Variants in GNAI1 observed in about 807,000 individuals in gnomAD.
GNAI1 encodes the protein G protein subunit alpha i1, also known as guanine nucleotide-binding protein G(i) subunit alpha-1.
GNAI1 carries 11 observed loss-of-function variants against 38.9 expected under a neutral mutation model. The observed-to-expected ratio is 0.28, with a 90% CI of 0.18 to 0.47. The LOEUF is 0.47. Ranked by LOEUF, GNAI1 falls within the 20% of genes least tolerant of loss-of-function variation. The probability of loss-of-function intolerance (pLI) is 0.99; values close to 1 mark genes in which losing one functional copy is unlikely to be tolerated. For missense variants in GNAI1, 317 were observed against 436.9 expected (o/e 0.73, Z 2.45); for synonymous variants, 166 against 145.1 (o/e 1.14, Z -1.04).
chr7:80,182,194 G>A (rs1306271231), intron 1 of GNAI1, among the ~76,000 whole-genome samples: 2 of 152,054 alleles, frequency 1.3e-5, no homozygotes, highest in Non-Finnish European at 2.9e-5. Context: ...CCTTTTTAAG[G>A]CTGAATAATA....
chr7:80,143,938 CTA>C (rs1390332722), intron 1 of GNAI1, among the ~76,000 whole-genome samples: 16 of 116,588 alleles, frequency 1.4e-4, no homozygotes, highest in African/African-American at 4.0e-4. Flanking sequence ...GTGTGTGTAT[CTA>C]TATGTGTGCA....
rs1358260853 is a variant in GNAI1 at position 80,224,360 on chromosome 7, C to T, written c.*6867C>T. On this transcript the variant is annotated 3_prime_UTR_variant, in exon 8 of 8. Transcript: ENST00000649796. The stretch of plus-strand genomic sequence containing the variant: ...GCAATGTTGGCTATCTAGGAAGTGG[C>T]AGAGCTGGGTGTAAAATCTAGAGTT... 2.0e-5 allele frequency among the ~76,000 whole-genome samples: 3 copies of T among 151,972 alleles called. No homozygotes were observed. The highest frequency in any genetic ancestry group is 7.3e-5 in the African/African-American group (3 of 41,340).
At chr7:80,145,914 C>T (rs1787611894) in intron 1 of GNAI1, among the ~76,000 whole-genome samples, 1 of 152,062 alleles carries the variant, frequency 6.6e-6, no homozygotes, top group Admixed American at 6.6e-5. Flanking sequence ...CCTGTAGAGC[C>T]AGTATGAGGT....
At chr7:80,173,214 A>G (rs1360243245) in intron 1 of GNAI1, among the ~76,000 whole-genome samples, 3 of 152,182 alleles carry the variant, frequency 2.0e-5, no homozygotes, top group African/African-American at 4.8e-5. Context: ...CAGATATCTT[A>G]CATCTGAGGT....
intron 1 of GNAI1, among the ~76,000 whole-genome samples, chr7:80,159,594 T>G (rs927391282): frequency 6.6e-6 from 1 of 152,230 alleles, no homozygotes; most frequent in Non-Finnish European, 1.5e-5. Flanking sequence ...TATCCATGAC[T>G]TTAAACATTT....
At chr7:80,150,021 T>G (rs1435289056) in intron 1 of GNAI1, among the ~76,000 whole-genome samples, 2 of 152,188 alleles carry the variant, frequency 1.3e-5, no homozygotes, top group African/African-American at 2.4e-5. Context: ...AAGTGCAGAT[T>G]ACAATGAGAT....
rs181737824 is a variant in GNAI1, at chr7:80,202,604, C to G, written c.462-1100C>G. ...TGTGATAATAAGATTCTCTTAAATT[C>G]AGTAAATACAATACAGGTAACTCAG... On this transcript the variant is annotated intron_variant, in intron 4 of 7. Coordinates refer to ENST00000649796, the MANE Select transcript of GNAI1 (RefSeq NM_002069.6). 2.3e-3 allele frequency among the ~76,000 whole-genome samples: 351 copies of G among 152,284 alleles called. 1 individual carries two copies. The highest frequency in any genetic ancestry group is 0.014 in the Middle Eastern group (4 of 294).
intron 1 of GNAI1, among the ~76,000 whole-genome samples, chr7:80,188,303 TA>T (rs1478523888): frequency 1.4e-4 from 21 of 152,328 alleles, no homozygotes; most frequent in Non-Finnish European, 2.1e-4. Context: ...GTCAGGCAGT[TA>T]AAACATCTTC....
intron 1 of GNAI1, among the ~76,000 whole-genome samples, chr7:80,163,991 G>A (rs1275280631): frequency 2.0e-5 from 3 of 147,596 alleles, no homozygotes; most frequent in Non-Finnish European, 4.5e-5. Context: ...TTGGTGGGGG[G>A]ACCGAGTCTC....
intron 1 of GNAI1, among the ~76,000 whole-genome samples, chr7:80,147,388 A>AC: frequency 6.6e-6 from 1 of 151,440 alleles, no homozygotes; most frequent in South Asian, 2.1e-4. Flanking sequence ...AAAAAAAAAA[A>AC]AGACACAGGA....
chr7:80,146,665 G>C (rs1412341679), intron 1 of GNAI1, among the ~76,000 whole-genome samples: 1 of 152,034 alleles, frequency 6.6e-6, no homozygotes, highest in Non-Finnish European at 1.5e-5. Flanking sequence ...ATAGGCTCCC[G>C]GGGTGCTTGT....
chr7:80,141,458 T>A (rs1160846993), intron 1 of GNAI1, among the ~76,000 whole-genome samples: 2 of 152,150 alleles, frequency 1.3e-5, no homozygotes, highest in Non-Finnish European at 2.9e-5. Context: ...AGGTTATCAT[T>A]AAATGGAAAG....
At chr7:80,167,946 A>T (rs964527637) in intron 1 of GNAI1, among the ~76,000 whole-genome samples, 2 of 152,252 alleles carry the variant, frequency 1.3e-5, no homozygotes, top group African/African-American at 2.4e-5. Flanking sequence ...AACAAAATAT[A>T]GGTCATTAGC....
intron 3 of GNAI1, among the ~76,000 whole-genome samples, chr7:80,195,127 AAC>A (rs1788545585): frequency 6.6e-6 from 1 of 151,900 alleles, no homozygotes; most frequent in Non-Finnish European, 1.5e-5. Context: ...CAATACCAGG[AAC>A]ACTTAAATGT....
intron 1 of GNAI1, among the ~76,000 whole-genome samples, chr7:80,170,253 G>A (rs1239874354): frequency 6.6e-6 from 1 of 152,162 alleles, no homozygotes; most frequent in Non-Finnish European, 1.5e-5. Context: ...TACATTCCTA[G>A]CAAGCAGTGT....
At chr7:80,203,955 T>C (rs1418373821) in intron 5 of GNAI1, 123 bp downstream of exon 5, 1 of 553,314 alleles carries the variant, frequency 1.8e-6, no homozygotes, top group South Asian at 3.0e-5. Context: ...AAAAAAACTT[T>C]CTTCAGATGA....
intron 1 of GNAI1, among the ~76,000 whole-genome samples, chr7:80,149,649 C>T (rs1787690268): frequency 6.6e-6 from 1 of 152,046 alleles, no homozygotes; most frequent in African/African-American, 2.4e-5. Context: ...TTCATCAGAA[C>T]CTGTCTTGTA....
Position 80,220,514 on chromosome 7 carries a change from C to T in GNAI1, c.*3021C>T, listed in dbSNP as rs191958876. Among the ~76,000 whole-genome samples, 3 of 152,278 alleles carry T rather than the reference C, an allele frequency of 2.0e-5. No homozygotes were observed. The highest frequency in any genetic ancestry group is 2.0e-4 in the Admixed American group (3 of 15,296). On this transcript the variant is annotated 3_prime_UTR_variant, in exon 8 of 8. Transcript: ENST00000649796. ...GGCTTAGACCTGACCAATCCGAGTCCTCCAGCATTGGACGAGTGAGCCAAT... is the reference window on the plus strand; with the variant it reads ...GGCTTAGACCTGACCAATCCGAGTCTTCCAGCATTGGACGAGTGAGCCAAT...
chr7:80,152,869 C>T (rs1053224722), intron 1 of GNAI1, among the ~76,000 whole-genome samples: 5 of 151,880 alleles, frequency 3.3e-5, no homozygotes, highest in Non-Finnish European at 7.4e-5. Flanking sequence ...CTGCACCCGG[C>T]CAGATTCAGT....
Sources: allele counts gnomAD v4.1 joint callset (sites outside exome capture counted in the v4.1 genomes callset), GRCh38; gene constraint gnomAD v4.1.1; transcripts MANE v1.5; gene names NCBI Gene and HGNC (gene_info 2026-07-23, HGNC 2026-07-21).